Variants in RALYL observed in about 807,000 individuals in gnomAD.
The protein encoded by RALYL is RNA-binding Raly-like protein.
Under a neutral mutation model 35.1 loss-of-function variants are expected in RALYL, and 29 were observed. The ratio of observed to expected loss-of-function variants is 0.83; its 90% confidence interval spans 0.61 to 1.13. The LOEUF (loss-of-function observed/expected upper bound fraction) is 1.13, where lower values mean the gene tolerates loss of function less well. RALYL is among the 50% of genes most tolerant of loss of function. RALYL has a pLI of 0.00. For synonymous variants in RALYL, 120 were observed against 127.6 expected (o/e 0.94, Z 0.40); for missense variants, 359 against 360.4 (o/e 1.00, Z 0.03).
intron 5 of RALYL, among the ~76,000 whole-genome samples, chr8:84,853,027 G>A (rs1836210519): frequency 6.6e-6 from 1 of 152,178 alleles, no homozygotes; most frequent in Non-Finnish European, 1.5e-5. Flanking sequence ...AGCAAAATTA[G>A]GAATGCTTTT....
chr8:84,598,358 T>A (rs1475055534), intron 2 of RALYL, among the ~76,000 whole-genome samples: 1 of 152,082 alleles, frequency 6.6e-6, no homozygotes, highest in East Asian at 1.9e-4. Flanking sequence ...CCCAGCTCTG[T>A]TTCTCATTTC....
chr8:84,199,258 G>T (rs1816239682), intron 1 of RALYL, among the ~76,000 whole-genome samples: 1 of 151,788 alleles, frequency 6.6e-6, no homozygotes, highest in South Asian at 2.1e-4. Context: ...CTGATGATCG[G>T]TGATGATCGG....
Position 84,887,870 on chromosome 8 carries a change from G to T in RALYL, c.858+94G>T, listed in dbSNP as rs28496895. The T allele has an allele frequency of 9.0e-3, 10,814 of 1,197,476 alleles. 745 individuals are homozygous for T. In the African/African-American group the frequency reaches 0.15, roughly 16 times the overall value. 74.2% of individuals were successfully genotyped at this position (1,197,476 alleles called of 1,614,324 possible). ...TCTAAAATAAGGATTAAATCATTTG[G>T]GGCTTATTTCTCTTATATGCATATA... On this transcript the variant is annotated intron_variant, in intron 8 of 8. Transcript: ENST00000521268.
chr8:84,785,142 A>C (rs905537103), intron 3 of RALYL, among the ~76,000 whole-genome samples: 6 of 152,088 alleles, frequency 3.9e-5, no homozygotes, highest in African/African-American at 1.4e-4. Flanking sequence ...TTATAATTTT[A>C]ACTTTTGTTT....
chr8:84,549,176 A>C (rs559963314), intron 2 of RALYL, among the ~76,000 whole-genome samples: 1 of 152,158 alleles, frequency 6.6e-6, no homozygotes, highest in African/African-American at 2.4e-5. Flanking sequence ...GTGCTTACTC[A>C]TCTTTGAGGG....
At chr8:84,836,455 T>C (rs966878217) in intron 4 of RALYL, among the ~76,000 whole-genome samples, 2 of 152,200 alleles carry the variant, frequency 1.3e-5, no homozygotes, top group Non-Finnish European at 2.9e-5. Context: ...CTCCTCACTT[T>C]CTCCCCCATT....
chr8:84,716,428 A>G lies in RALYL; in HGVS notation c.257-58151A>G, dbSNP rs1842952007. On this transcript the variant is annotated intron_variant, in intron 2 of 8. Transcript: ENST00000521268. Reference sequence around the variant, plus strand: ...AAAAATCAGAAAAGGTTTACTTTTAATTGAGGTATGAGGAAAAATTCATTT... The same window carrying G: ...AAAAATCAGAAAAGGTTTACTTTTAGTTGAGGTATGAGGAAAAATTCATTT... Among the ~76,000 whole-genome samples the G allele has an allele frequency of 2.0e-5, 3 of 152,344 alleles. No homozygotes were observed. In the South Asian group the frequency reaches 6.2e-4, roughly 32 times the overall value.
intron 1 of RALYL, chr8:84,185,073 GTCTTTGGA>G: frequency 1.3e-6 from 2 of 1,573,600 alleles, no homozygotes; most frequent in African/African-American, 2.7e-5. Flanking sequence ...TAGGGATGCT[GTCTTTGGA>G]TCTTTTTTTT....
rs138293980 is a variant in RALYL, at chr8:84,655,532, T to G, written c.257-119047T>G. Among the ~76,000 whole-genome samples the G allele has an allele frequency of 3.7e-3, 561 of 152,284 alleles. 6 individuals are homozygous for G. Among genetic ancestry groups the G allele is most frequent in the African/African-American group, 0.013 (539 of 41,578 alleles). ...TTAGTAGAGACGGGGTTTTGCCATG[T>G]TGGCCAGGCTGGTCTCAAACTCCTG... On this transcript the variant is annotated intron_variant, in intron 2 of 8. Coordinates refer to ENST00000521268, the MANE Select transcript of RALYL (RefSeq NM_173848.7).
chr8:84,882,738 AACACACAT>A (rs1417064416), intron 7 of RALYL, among the ~76,000 whole-genome samples: 1 of 151,782 alleles, frequency 6.6e-6, no homozygotes, highest in African/African-American at 2.4e-5. Context: ...CATACACACA[AACACACAT>A]ACACACTCAC....
intron 1 of RALYL, among the ~76,000 whole-genome samples, chr8:84,227,819 C>A (rs1053052894): frequency 3.3e-5 from 5 of 151,922 alleles, no homozygotes; most frequent in Non-Finnish European, 7.4e-5. Flanking sequence ...TGTAATAGTG[C>A]CTCAGAAAAC....
intron 1 of RALYL, among the ~76,000 whole-genome samples, chr8:84,365,898 G>A (rs1854155731): frequency 2.0e-5 from 3 of 152,160 alleles, no homozygotes; most frequent in Non-Finnish European, 4.4e-5. Context: ...GTAGCTAGGA[G>A]GTCCCTGCTG....
chr8:84,313,745 C>G (rs200793184), intron 1 of RALYL, among the ~76,000 whole-genome samples: 1 of 152,118 alleles, frequency 6.6e-6, no homozygotes, highest in Non-Finnish European at 1.5e-5. Context: ...CTTCATTGTC[C>G]GTATTACTAT....
intron 1 of RALYL, among the ~76,000 whole-genome samples, chr8:84,425,072 C>T (rs1300469059): frequency 6.6e-6 from 1 of 152,224 alleles, no homozygotes; most frequent in African/African-American, 2.4e-5. Context: ...CTGTGGTGGG[C>T]TCCACCCAGT....
intron 3 of RALYL, among the ~76,000 whole-genome samples, chr8:84,774,916 G>A (rs565867780): frequency 3.3e-5 from 5 of 152,110 alleles, no homozygotes; most frequent in African/African-American, 1.2e-4. Flanking sequence ...TACCTGACAA[G>A]TAGGTGGAAA....
intron 2 of RALYL, among the ~76,000 whole-genome samples, chr8:84,680,173 C>T (rs1457850478): frequency 6.6e-6 from 1 of 152,180 alleles, no homozygotes; most frequent in Non-Finnish European, 1.5e-5. Flanking sequence ...CTACAAAGGT[C>T]ATGAACTCAT....
rs887243400 is a variant in RALYL at position 84,434,327 on chromosome 8, C to A, written c.-23-94972C>A. On this transcript the variant is annotated intron_variant, in intron 1 of 8. Transcript: ENST00000521268. Reference sequence around the variant, plus strand: ...TATTTTGAGATATCGGGGGTTAGGACTTTAACATATGAATTTGAGGGAGAC... The same window carrying A: ...TATTTTGAGATATCGGGGGTTAGGAATTTAACATATGAATTTGAGGGAGAC... 1.3e-5 allele frequency among the ~76,000 whole-genome samples: 2 copies of A among 152,074 alleles called. 1 individual carries two copies. Among genetic ancestry groups the A allele is most frequent in the Non-Finnish European group, 2.9e-5 (2 of 68,010 alleles).
intron 1 of RALYL, among the ~76,000 whole-genome samples, chr8:84,219,096 G>GA (rs1821558467): frequency 2.6e-5 from 4 of 152,104 alleles, no homozygotes; most frequent in African/African-American, 9.6e-5. Context: ...ATACGTACAA[G>GA]AAAAGTTGTG....
At chr8:84,732,484 T>G (rs149264641) in intron 2 of RALYL, among the ~76,000 whole-genome samples, 1,650 of 151,996 alleles carry the variant, frequency 0.011, 35 homozygotes, top group African/African-American at 0.037. Context: ...TAATTAGCTA[T>G]TATTCAACTA....
Sources: allele counts gnomAD v4.1 joint callset (sites outside exome capture counted in the v4.1 genomes callset), GRCh38; gene constraint gnomAD v4.1.1; transcripts MANE v1.5; gene names NCBI Gene and HGNC (gene_info 2026-07-23, HGNC 2026-07-21).